The following RYR1 variants were observed in gnomAD, a reference collection of about 807,000 sequenced individuals.
RYR1 encodes central core disease of muscle.
Under a neutral mutation model 583.5 loss-of-function variants are expected in RYR1, and 342 were observed. The observed-to-expected ratio is 0.59, with a 90% CI of 0.54 to 0.64. RYR1 has a LOEUF of 0.64. RYR1 is among the 30% of genes least tolerant of loss of function. RYR1 has a pLI of 0.00. For missense variants in RYR1, 6,032 were observed against 6,917.2 expected (o/e 0.87, Z 4.54); for synonymous variants, 2,791 against 2,822.5 (o/e 0.99, Z 0.35).
chr19:38,506,020 G>A, intron 54 of RYR1, 74 bp downstream of exon 54: 2 of 1,578,670 alleles, frequency 1.3e-6, no homozygotes, highest in South Asian at 1.1e-5. Context: ...TGGCCAGACA[G>A]GGAAGGGATG....
At position 38,496,682 on chromosome 19, in the gene RYR1, TGGGGACACAATAGTGACCCC is replaced by T; in HGVS notation, c.6796+142_6797-158del. On this transcript the variant is annotated intron_variant, in intron 41 of 105. Transcript: ENST00000359596. The surrounding 1 kb of genome is among the most constrained non-coding windows in gnomAD (Gnocchi z 4.8). ...GTTCTGGCCCTGTAATGAGTAATGC[TGGGGACACAATAGTGACCCC>T]AATAGTGACAGCCCAGAGTGGTCAG... The T allele has an allele frequency of 8.1e-7, 1 of 1,228,848 alleles. No individual in the cohort carries two copies. Among genetic ancestry groups the T allele is most frequent in the Non-Finnish European group, 1.2e-6 (1 of 844,594 alleles). The allele number at this position is 1,228,848 out of a possible 1,614,324, so 76.1% of individuals were successfully genotyped here.
intron 37 of RYR1, among the ~76,000 whole-genome samples, chr19:38,491,618 C>T (rs1003186848): frequency 1.1e-4 from 16 of 151,888 alleles, no homozygotes; most frequent in Middle Eastern, 3.4e-3. Context: ...TTTATAGAGT[C>T]GGGGTTTTGC....
intron 76 of RYR1, among the ~76,000 whole-genome samples, chr19:38,530,627 A>G (rs1688087778): frequency 1.3e-5 from 2 of 152,094 alleles, no homozygotes; most frequent in African/African-American, 4.8e-5. Context: ...AGGACTGGGC[A>G]GTGGCACAGG....
At chr19:38,486,340 T>C in intron 34 of RYR1, 138 bp downstream of exon 34, 1 of 1,121,138 alleles carries the variant, frequency 8.9e-7, no homozygotes, top group Non-Finnish European at 1.3e-6. Context: ...CATCCACCTT[T>C]CTTTTTATTA....
At position 38,565,715 on chromosome 19, in the gene RYR1, A is replaced by T. The variant is rs773835235; in HGVS notation, c.13381A>T (p.Thr4461Ser). 5 of 1,428,182 alleles carry T rather than the reference A, an allele frequency of 3.5e-6. No homozygotes were observed. In the South Asian group the frequency reaches 7.3e-5, roughly 21 times the overall value. The allele number at this position is 1,428,182 out of a possible 1,614,324, so 88.5% of individuals were successfully genotyped here. The change falls in exon 91 of 106, where the codon ACG becomes TCG. Residue 4461 changes from threonine to serine, a missense_variant. Thr to Ser is a moderately conservative substitution (Grantham distance 58). This residue lies in a region of RYR1 where 753 missense variants were observed against 759.6 expected (regional missense o/e 0.99). Transcript: ENST00000359596. This position sits in a 1 kb window ranked among gnomAD's most constrained non-coding sequence, Gnocchi z 4.7. ...CGGTCTCGGGGACATGGGGGACACG[A>T]CGCCTGCGGAACCGCCCACACCCGA... ...AGGLGDMGDT[T>S]PAEPPTPEGS... is the part of the protein sequence containing the mutation.
At chr19:38,548,058 GC>G (rs1218394765) in intron 88 of RYR1, among the ~76,000 whole-genome samples, 174 bp from the exon 89 acceptor site, 1 of 152,156 alleles carries the variant, frequency 6.6e-6, no homozygotes, top group Non-Finnish European at 1.5e-5. Flanking sequence ...GGCAGGATCA[GC>G]CAGGTTGGCA....
intron 89 of RYR1, among the ~76,000 whole-genome samples, chr19:38,560,503 T>C (rs896615815): frequency 6.6e-6 from 1 of 151,070 alleles, no homozygotes; most frequent in African/African-American, 2.4e-5. Context: ...CCGAGGCGGG[T>C]GGATCACCTG....
intron 96 of RYR1, among the ~76,000 whole-genome samples, chr19:38,575,423 G>A (rs1454454698): frequency 6.6e-6 from 1 of 152,236 alleles, no homozygotes; most frequent in Non-Finnish European, 1.5e-5. Context: ...ACTTTGGGAG[G>A]CCAAGGCGGG....
At chr19:38,515,325 G>C (rs936221827) in intron 64 of RYR1, among the ~76,000 whole-genome samples, 1 of 152,202 alleles carries the variant, frequency 6.6e-6, no homozygotes, top group Admixed American at 6.5e-5. Flanking sequence ...AAGCAGGCAG[G>C]CCTCGCTGGG....
At chr19:38,519,077 A>AGGG in intron 66 of RYR1, 137 bp from the exon 67 acceptor site, 1 of 1,419,458 alleles carries the variant, frequency 7.0e-7, no homozygotes, top group Non-Finnish European at 9.8e-7. Context: ...CAGGGACTAT[A>AGGG]TCCAAGGTTA....
chr19:38,467,946 C>T, intron 25 of RYR1, 134 bp downstream of exon 25: 1 of 753,672 alleles, frequency 1.3e-6, no homozygotes, highest in African/African-American at 1.7e-5. Flanking sequence ...ATCCACCCAT[C>T]TATCCATCCA....
At position 38,442,452 on chromosome 19, in the gene RYR1, A is replaced by C. The variant is rs781387077; in HGVS notation, c.269A>C (p.Glu90Ala). Residue 90 changes from glutamate (E) to alanine (A), a missense_variant and splice_region_variant, in exon 3 of 106, where the codon GAG becomes GCG. By Grantham distance (107) the Glu-to-Ala change is moderately radical. Around this residue, in one of 11 missense-constraint regions of RYR1, gnomAD observed 338 missense variants for 441.6 expected, o/e 0.77. Transcript: ENST00000359596. ...GCTAACACGGTGGAGGCTGGCGTGG[A>C]GGTGAGGACCCCACCTGGGGGTGGG... Reference protein sequence around the residue: ...MLANTVEAGVESSQGGGHRTL... With the variant: ...MLANTVEAGVASSQGGGHRTL... 1.2e-6 allele frequency: 2 copies of C among 1,610,838 alleles called. No individual in the cohort carries two copies. The highest frequency in any genetic ancestry group is 1.7e-6 in the Non-Finnish European group (2 of 1,178,052).
At chr19:38,478,009 G>T in intron 30 of RYR1, 139 bp downstream of exon 30, 1 of 827,260 alleles carries the variant, frequency 1.2e-6, no homozygotes, top group South Asian at 1.6e-5. Context: ...GGGGCACTGG[G>T]CACCCAGCTC....
chr19:38,537,022 G>A (rs1972002101), intron 83 of RYR1: 3 of 589,460 alleles, frequency 5.1e-6, no homozygotes, highest in Non-Finnish European at 9.1e-6. Flanking sequence ...TTCCCCATGT[G>A]TGAAGCAGAA....
chr19:38,528,253 G>A, intron 73 of RYR1, 53 bp from the exon 74 acceptor site: 1 of 1,470,428 alleles, frequency 6.8e-7, no homozygotes, highest in Non-Finnish European at 9.5e-7. Flanking sequence ...CCAGGGCTGG[G>A]AGTGAGAGGG....
chr19:38,514,925 G>A, intron 63 of RYR1, 101 bp from the exon 64 acceptor site: 1 of 770,224 alleles, frequency 1.3e-6, no homozygotes, highest in Non-Finnish European at 2.3e-6. Flanking sequence ...ACATCTGCTT[G>A]CTCTTCCCCA....
At chr19:38,443,857 G>A in intron 5 of RYR1, 61 bp downstream of exon 5, 1 of 1,506,528 alleles carries the variant, frequency 6.6e-7, no homozygotes, top group Non-Finnish European at 9.2e-7. Context: ...TCAGGGGGTA[G>A]AAGGTCTGCA....
chr19:38,438,616 C>CTT (rs71165544), intron 1 of RYR1, among the ~76,000 whole-genome samples: 5,197 of 93,856 alleles, frequency 0.055, 740 homozygotes, highest in Admixed American at 0.12. Flanking sequence ...CCAGGCTAGT[C>CTT]TTTTTTTTTT....
rs1457286724 is a variant in RYR1, at chr19:38,561,534, C to T, written c.12624+80C>T. The stretch of plus-strand genomic sequence containing the variant: ...TGCTCACTTCCTGCACCCTCAGACC[C>T]CACGGGGGCTGTGCGTGCCTCGCAT... On this transcript the variant is annotated intron_variant, in intron 90 of 105. Transcript: ENST00000359596. The surrounding 1 kb of genome is among the most constrained non-coding windows in gnomAD (Gnocchi z 4.8). 1 of 1,370,464 alleles carries T rather than the reference C, an allele frequency of 7.3e-7. No homozygotes were observed. The highest frequency in any genetic ancestry group is 1.3e-5 in the South Asian group (1 of 76,574). 84.9% of individuals were successfully genotyped at this position (1,370,464 alleles called of 1,614,324 possible).
Sources: allele counts gnomAD v4.1 joint callset (sites outside exome capture counted in the v4.1 genomes callset), GRCh38; gene constraint gnomAD v4.1.1; regional missense constraint gnomAD v4.1.1; non-coding constraint Gnocchi (gnomAD v3.1); transcripts MANE v1.5; gene names NCBI Gene and HGNC (gene_info 2026-07-23, HGNC 2026-07-21).